Variants in MAST2 observed in about 807,000 individuals in gnomAD.
The protein encoded by MAST2 is microtubule-associated serine/threonine-protein kinase 2.
A neutral mutation model predicts 147.4 loss-of-function variants in MAST2; 70 were observed. That is an observed-to-expected ratio of 0.47 (90% CI 0.39 to 0.58). The LOEUF is 0.58. Ranked by LOEUF, MAST2 falls within the 20% of genes least tolerant of loss-of-function variation. The pLI is 0.00. For missense variants in MAST2, 2,080 were observed against 2,302.3 expected, an observed-to-expected ratio of 0.90 and a Z score of 1.98; for synonymous variants, 869 against 896.8, an observed-to-expected ratio of 0.97 and a Z score of 0.55.
intron 10 of MAST2, among the ~76,000 whole-genome samples, chr1:46,014,950 A>G (rs10449768): frequency 6.6e-6 from 1 of 152,092 alleles, no homozygotes; most frequent in Non-Finnish European, 1.5e-5. Flanking sequence ...GCAAATGTAA[A>G]AGAACAGAAA....
intron 4 of MAST2, among the ~76,000 whole-genome samples, chr1:45,939,460 G>T (rs1656825480): frequency 6.9e-6 from 1 of 144,042 alleles, no homozygotes; most frequent in Non-Finnish European, 1.5e-5. Context: ...CTCCAACTTT[G>T]TTCTTTTTCA....
At chr1:45,825,041 T>G (rs1309252782) in intron 2 of MAST2, among the ~76,000 whole-genome samples, 2 of 152,356 alleles carry the variant, frequency 1.3e-5, no homozygotes, top group South Asian at 2.1e-4. Flanking sequence ...TTCCTTTTTT[T>G]TTGAGATGGA....
intron 4 of MAST2, among the ~76,000 whole-genome samples, chr1:45,924,756 A>T (rs967394792): frequency 6.6e-6 from 1 of 152,184 alleles, no homozygotes; most frequent in African/African-American, 2.4e-5. Context: ...TTAAAGGGGC[A>T]ATTAAGGTTA....
chr1:45,809,553 C>T (rs990013526), intron 1 of MAST2, among the ~76,000 whole-genome samples: 1 of 151,962 alleles, frequency 6.6e-6, no homozygotes, highest in South Asian at 2.1e-4. Flanking sequence ...TGAGGTGGGA[C>T]CCCTGGAAGT....
In MAST2 at chr1:45,846,782, G is replaced by A. The variant is rs142724258; in HGVS notation, c.468+17201G>A. 6.6e-3 allele frequency among the ~76,000 whole-genome samples: 999 copies of A among 151,372 alleles called. 11 individuals are homozygous for A. Among genetic ancestry groups the A allele is most frequent in the African/African-American group, 0.023 (964 of 41,178 alleles). ...AGAGGTTGCAGTGAGCCGAGATGAT[G>A]CCACTGCACTCCAGCCCAGGTGACA... On this transcript the variant is annotated intron_variant, in intron 3 of 28. Transcript: ENST00000361297.
chr1:45,960,513 AAAAAG>A (rs1307731509), intron 5 of MAST2, among the ~76,000 whole-genome samples: 1 of 152,168 alleles, frequency 6.6e-6, no homozygotes, highest in Non-Finnish European at 1.5e-5. Context: ...TCAAAAAGAA[AAAAAG>A]AAAAGAAAAG....
intron 4 of MAST2, among the ~76,000 whole-genome samples, chr1:45,942,020 T>C (rs963582024): frequency 2.0e-4 from 30 of 152,322 alleles, no homozygotes; most frequent in African/African-American, 6.3e-4. Context: ...ATAAGGTAAA[T>C]GATGTCTCAA....
intron 4 of MAST2, among the ~76,000 whole-genome samples, chr1:45,928,236 G>A (rs1168784954): frequency 6.6e-6 from 1 of 152,024 alleles, no homozygotes; most frequent in African/African-American, 2.4e-5. Flanking sequence ...CAAATTTTAT[G>A]TCATTTCATC....
At chr1:45,927,703 A>G (rs1260804521) in intron 4 of MAST2, among the ~76,000 whole-genome samples, 2 of 152,234 alleles carry the variant, frequency 1.3e-5, no homozygotes, top group African/African-American at 4.8e-5. Flanking sequence ...TAACACAGTT[A>G]TCACATGGTC....
In MAST2 at chr1:45,966,930, A is replaced by C. The variant is rs559975904; in HGVS notation, c.592+7453A>C. 4.8e-5 allele frequency among the ~76,000 whole-genome samples: 7 copies of C among 145,096 alleles called. No homozygotes were observed. The East Asian group carries it at 1.2e-3, about 25-fold the overall frequency. On this transcript the variant is annotated intron_variant, in intron 5 of 28. Coordinates refer to ENST00000361297, the MANE Select transcript of MAST2 (RefSeq NM_015112.3). ...CATTCAGGTTGGAGTATGGTGGCAC[A>C]GTCACAGCTCAATACAGCCTTGAGC...
chr1:45,972,817 T>A (rs530136074), intron 5 of MAST2, among the ~76,000 whole-genome samples: 108 of 152,340 alleles, frequency 7.1e-4, no homozygotes, highest in Middle Eastern at 6.8e-3. Context: ...TCTCGTAATC[T>A]GTTCTCTAAA....
rs149356581 is a variant in MAST2 at position 45,999,437 on chromosome 1, C to T, written c.668+1638C>T. 1.0e-3 allele frequency among the ~76,000 whole-genome samples: 154 copies of T among 152,276 alleles called. 2 individuals are homozygous for T. In the East Asian group the frequency reaches 0.027, roughly 26 times the overall value. On this transcript the variant is annotated intron_variant, in intron 6 of 28. Transcript: ENST00000361297. Reference sequence around the variant, plus strand: ...ATAAACTGTACTCTCAGAGTAGGTACGAGCTGGGACACCAAGACCTGTGGC... The same window carrying T: ...ATAAACTGTACTCTCAGAGTAGGTATGAGCTGGGACACCAAGACCTGTGGC...
intron 4 of MAST2, among the ~76,000 whole-genome samples, chr1:45,931,551 A>G (rs1427051754): frequency 6.6e-6 from 1 of 151,070 alleles, no homozygotes; most frequent in Admixed American, 6.6e-5. Flanking sequence ...GTGCAGTGGC[A>G]TGATCTGGGC....
chr1:45,944,807 C>T (rs936638511), intron 4 of MAST2, among the ~76,000 whole-genome samples: 16 of 152,172 alleles, frequency 1.1e-4, no homozygotes, highest in African/African-American at 3.6e-4. Context: ...AGATCTTCTG[C>T]CTTCCTCTTG....
intron 4 of MAST2, among the ~76,000 whole-genome samples, chr1:45,909,488 A>G (rs1243585514): frequency 6.6e-6 from 1 of 151,778 alleles, no homozygotes; most frequent in Non-Finnish European, 1.5e-5. Context: ...GCTTTTAAGA[A>G]CAATCACACC....
intron 7 of MAST2, among the ~76,000 whole-genome samples, chr1:46,003,414 A>G (rs1211223902): frequency 6.6e-6 from 1 of 152,198 alleles, no homozygotes; most frequent in African/African-American, 2.4e-5. Flanking sequence ...GTTTTAGCCT[A>G]AAACACAAGA....
At chr1:46,029,168 T>C in intron 18 of MAST2, 1 of 556,302 alleles carries the variant, frequency 1.8e-6, no homozygotes, top group Middle Eastern at 4.7e-4. Flanking sequence ...CATATACACC[T>C]GGGTGTTCCT....
At chr1:46,028,210 C>T (rs535413806) in intron 17 of MAST2, among the ~76,000 whole-genome samples, 1 of 152,336 alleles carries the variant, frequency 6.6e-6, no homozygotes, top group South Asian at 2.1e-4. Context: ...CCAAAGTCAT[C>T]TTCCTCCTCA....
chr1:45,813,337 AT>A (rs992923484), intron 1 of MAST2, among the ~76,000 whole-genome samples: 5 of 148,296 alleles, frequency 3.4e-5, no homozygotes, highest in East Asian at 2.0e-4. Flanking sequence ...TATTATTATC[AT>A]TTTTTTTTTG....
Sources: allele counts gnomAD v4.1 joint callset (sites outside exome capture counted in the v4.1 genomes callset), GRCh38; gene constraint gnomAD v4.1.1; transcripts MANE v1.5; gene names NCBI Gene and HGNC (gene_info 2026-07-23, HGNC 2026-07-21).